Variants in CCNL2 observed in about 807,000 individuals in gnomAD.
CCNL2 encodes the protein cyclin-L2.
In CCNL2, 28 loss-of-function variants were observed where a neutral mutation model predicts 59.1. The ratio of observed to expected loss-of-function variants is 0.47; its 90% CI spans 0.35 to 0.65. The LOEUF (loss-of-function observed/expected upper bound fraction) is 0.65. CCNL2 is among the 30% of genes least tolerant of loss of function. CCNL2 has a pLI of 0.00. For synonymous variants in CCNL2, 342 were observed against 288.6 expected (o/e 1.19, Z -1.88); for missense variants, 714 against 717.4 (o/e 1.00, Z 0.05).
chr1:1,390,655 A>C, intron 6 of CCNL2, 92 bp from the exon 7 acceptor site: 1 of 1,482,312 alleles, frequency 6.7e-7, no homozygotes. Flanking sequence ...TTGGTCACGA[A>C]AATGCTTTGG....
intron 5 of CCNL2, chr1:1,391,561 A>G (rs1243106659): frequency 7.7e-7 from 1 of 1,305,250 alleles, no homozygotes; most frequent in Admixed American, 2.3e-5. Context: ...CAACTGTCCC[A>G]TTTCAACAAG....
chr1:1,396,704 C>G (rs562358609), intron 3 of CCNL2, among the ~76,000 whole-genome samples: 1 of 151,426 alleles, frequency 6.6e-6, no homozygotes, highest in African/African-American at 2.4e-5. Context: ...CTCACCCTCC[C>G]GAATAGCTGG....
chr1:1,398,210 C>T lies in CCNL2; in HGVS notation c.473+23G>A, dbSNP rs772409153. 71 of 1,610,762 alleles carry T rather than the reference C, an allele frequency of 4.4e-5. No homozygotes were observed. In the South Asian group the frequency reaches 6.6e-4, roughly 15 times the overall value. On this transcript the variant is annotated intron_variant, in intron 3 of 10. Coordinates refer to ENST00000400809, the MANE Select transcript of CCNL2 (RefSeq NM_030937.6). Reference sequence around the variant, plus strand: ...AAAGAAAATAGGCATCTATGATAGACTAGACAGCTCTGACTGACTCACTTT... The same window carrying T: ...AAAGAAAATAGGCATCTATGATAGATTAGACAGCTCTGACTGACTCACTTT...
rs1645237826 is a variant in CCNL2 at position 1,399,264 on chromosome 1, C to T, written c.43G>A (p.Ala15Thr). 1.3e-6 allele frequency: 2 copies of T among 1,568,836 alleles called. No individual in the cohort carries two copies. The highest frequency in any genetic ancestry group is 1.8e-5 in the Admixed American group (1 of 54,746). The change falls in exon 1 of 11, where the codon GCT (alanine) becomes ACT (threonine). Residue 15 changes from alanine to threonine, a missense_variant. Ala to Thr is a moderately conservative substitution (Grantham distance 58). Coordinates refer to ENST00000400809, the MANE Select transcript of CCNL2 (RefSeq NM_030937.6). ...AAAAGAAGSA[A>T]PAAAAGAPGS... ...GGGGCGCCGGCCGCTGCCGCGGGAGCTGCCGACCCTGCAGCACCAGCCGCC... is the reference window on the plus strand; with the variant it reads ...GGGGCGCCGGCCGCTGCCGCGGGAGTTGCCGACCCTGCAGCACCAGCCGCC...
intron 8 of CCNL2, chr1:1,388,393 C>T (rs745855606): frequency 8.3e-5 from 33 of 398,554 alleles, no homozygotes; most frequent in East Asian, 1.4e-4. Flanking sequence ...TGGTGGCACG[C>T]GCCTGTAGTC....
At chr1:1,388,392 G>A (rs1188657165) in intron 8 of CCNL2, 16 of 395,056 alleles carry the variant, frequency 4.1e-5, no homozygotes, top group South Asian at 5.9e-5. Context: ...TTGGTGGCAC[G>A]CGCCTGTAGT....
intron 3 of CCNL2, among the ~76,000 whole-genome samples, chr1:1,396,520 C>A (rs1342885578): frequency 1.3e-5 from 2 of 150,816 alleles, no homozygotes; most frequent in African/African-American, 4.9e-5. Context: ...CCCGCCTTGG[C>A]CTCCCAAAGT....
chr1:1,391,652 T>C, intron 5 of CCNL2: 2 of 797,694 alleles, frequency 2.5e-6, no homozygotes, highest in South Asian at 3.0e-5. Context: ...AACATAATAC[T>C]GAACATTTCA....
In CCNL2 at chr1:1,387,253, C is replaced by G. The variant is rs1644498508; in HGVS notation, c.1541G>C (p.Gly514Ala). The change falls in exon 11 of 11, where the codon GGG (glycine) becomes GCG (alanine). Residue 514 changes from glycine (G) to alanine (A), a missense_variant. Gly to Ala is a moderately conservative substitution (Grantham distance 60). Coordinates refer to ENST00000400809, the MANE Select transcript of CCNL2 (RefSeq NM_030937.6). ...GCCTCACCTCCGATGCCTGCTGTGC[C>G]CAGGGTGGTCCCGCTCATAGCGACG... ...TGRRYERDHP[G>A]HSRHRR 2 of 1,608,098 alleles carry G rather than the reference C, an allele frequency of 1.2e-6. No individual in the cohort carries two copies. The highest frequency in any genetic ancestry group is 1.7e-6 in the Non-Finnish European group (2 of 1,179,326).
In CCNL2 at chr1:1,387,151, G is replaced by T; in HGVS notation, c.*80C>A. ...TGAGAGCACACCCGGGGGTCAAAGG[G>T]CAGCCACCGGGGGTCAAAGGGCAGC... On this transcript the variant is annotated 3_prime_UTR_variant, in exon 11 of 11. Coordinates refer to ENST00000400809, the MANE Select transcript of CCNL2 (RefSeq NM_030937.6). 1 of 1,195,224 alleles carries T rather than the reference G, an allele frequency of 8.4e-7. No homozygotes were observed. The highest frequency in any genetic ancestry group is 1.2e-6 in the Non-Finnish European group (1 of 841,800). 74.0% of individuals were successfully genotyped at this position (1,195,224 alleles called of 1,614,324 possible).
At chr1:1,393,660 T>C (rs756879704) in intron 4 of CCNL2, among the ~76,000 whole-genome samples, 200 bp from the exon 5 acceptor site, 13 of 152,244 alleles carry the variant, frequency 8.5e-5, no homozygotes, top group Non-Finnish European at 1.6e-4. Context: ...GCAGGACGCA[T>C]GCCCGTGAGC....
intron 5 of CCNL2, 160 bp from the exon 6 acceptor site, chr1:1,391,025 G>A (rs931422269): frequency 1.1e-6 from 1 of 892,546 alleles, no homozygotes; most frequent in African/African-American, 1.7e-5. Flanking sequence ...AGAGTTAATG[G>A]AGAAATATTC....
In CCNL2 at chr1:1,399,014, C is replaced by T. The variant is rs1318993545; in HGVS notation, c.288+5G>A. 1 of 1,593,196 alleles carries T rather than the reference C, an allele frequency of 6.3e-7. No individual in the cohort carries two copies. Among genetic ancestry groups the T allele is most frequent in the Non-Finnish European group, 8.5e-7 (1 of 1,172,112 alleles). Reference sequence around the variant, plus strand: ...TGGGCCGGAGGCTCGCGGCCGCGCCCTCACCTGCGGCAGGCGGAGCAGGAT... The same window carrying T: ...TGGGCCGGAGGCTCGCGGCCGCGCCTTCACCTGCGGCAGGCGGAGCAGGAT... On this transcript the variant is annotated splice_donor_5th_base_variant and intron_variant, in intron 1 of 10. Coordinates refer to ENST00000400809, the MANE Select transcript of CCNL2 (RefSeq NM_030937.6).
chr1:1,387,846 C>CGACTCT lies in CCNL2; in HGVS notation c.1136_1141dup (p.Ser380_Arg381insGlnSer). The CGACTCT allele has an allele frequency of 2.5e-6, 4 of 1,613,706 alleles. No individual in the cohort carries two copies. The highest frequency in any genetic ancestry group is 8.5e-7 in the Non-Finnish European group (1 of 1,179,964). On this transcript the variant is annotated inframe_insertion, in exon 10 of 11. Coordinates refer to ENST00000400809, the MANE Select transcript of CCNL2 (RefSeq NM_030937.6). Reference sequence around the variant, plus strand: ...CTGCTCACGGCTCCGGCTCCGACTCCGACTCTCTCGCCCCTTTGGCAAGCT... The same window carrying CGACTCT: ...CTGCTCACGGCTCCGGCTCCGACTCCGACTCTGACTCTCTCGCCCCTTTGGCAAGCT...
rs1258239643 is a variant in CCNL2, at chr1:1,390,267, C to T, written c.969G>A (p.Leu323=). Residue 323 remains leucine (L), a synonymous_variant, in exon 8 of 11, where the codon CTG becomes CTA. Transcript: ENST00000400809. ...RGLLPGGTQV[L]DGTSGFSPAP... is the part of the protein sequence containing the mutation. ...CAGGAGAGAACCCCGAGGTACCATC[C>T]AGCACCTGTGTGCCCCCAGGCAACA... 18 of 1,613,606 alleles carry T rather than the reference C, an allele frequency of 1.1e-5. No homozygotes were observed. The highest frequency in any genetic ancestry group is 2.2e-5 in the East Asian group (1 of 44,868).
At chr1:1,391,168 C>T (rs1171846235) in intron 5 of CCNL2, 3 of 1,164,988 alleles carry the variant, frequency 2.6e-6, no homozygotes, top group Non-Finnish European at 2.1e-6. Context: ...TACTTTTCCC[C>T]TCAACCTTGG....
chr1:1,396,310 A>G (rs1020797334), intron 3 of CCNL2, among the ~76,000 whole-genome samples: 1 of 150,402 alleles, frequency 6.6e-6, no homozygotes, highest in Admixed American at 6.6e-5. Flanking sequence ...TCTGTTGCCC[A>G]GGCTGGAGTG....
Position 1,399,204 on chromosome 1 carries a change from C to G in CCNL2, c.103G>C (p.Val35Leu). ...SGGAPSGSQG[V>L]LIGDRLYSGV... ...GAGTACAGCCTGTCCCCGATCAGCA[C>G]CCCCTGCGACCCTGAGGGTGCGCCC... Residue 35 changes from valine to leucine, a missense_variant, in exon 1 of 11, where the codon GTG becomes CTG. This residue lies in a region of CCNL2 where 270 missense variants were observed against 254.9 expected (regional missense o/e 1.06). Transcript: ENST00000400809. The G allele has an allele frequency of 3.1e-6, 5 of 1,606,230 alleles. No individual in the cohort carries two copies. Among genetic ancestry groups the G allele is most frequent in the Admixed American group, 1.7e-5 (1 of 59,638 alleles).
In CCNL2 at chr1:1,388,002, C is replaced by T; in HGVS notation, c.1070G>A (p.Arg357Lys). 6.2e-7 allele frequency: 1 copy of T among 1,614,124 alleles called. No homozygotes were observed. Among genetic ancestry groups the T allele is most frequent in the Non-Finnish European group, 8.5e-7 (1 of 1,180,040 alleles). The change falls in exon 9 of 11, where the codon AGG becomes AAG. Residue 357 changes from arginine to lysine, a missense_variant. By Grantham distance (26) the Arg-to-Lys change is conservative. Transcript: ENST00000400809. ...PSPLSVKNTK[R>K]RLEGAKKAKA... ...GGCTTTCTTGGCGCCCTCCAGCCTCCTCTTGGTGTTCTTCACAGACAGTGG... is the reference window on the plus strand; with the variant it reads ...GGCTTTCTTGGCGCCCTCCAGCCTCTTCTTGGTGTTCTTCACAGACAGTGG...
Sources: gnomAD v4.1 joint callset for allele counts (sites outside exome capture counted in the v4.1 genomes callset) on GRCh38, gnomAD v4.1.1 for gene constraint, gnomAD v4.1.1 regional missense constraint, MANE v1.5 for transcripts, NCBI Gene and HGNC (gene_info 2026-07-23, HGNC 2026-07-21) for gene names.